Variants in LGR5 observed in about 807,000 individuals in gnomAD.
The protein encoded by LGR5 is leucine-rich repeat-containing G protein-coupled receptor 5.
In LGR5, 54 loss-of-function variants were observed where a neutral mutation model predicts 76.7. The observed-to-expected ratio is 0.70, with a 90% CI of 0.57 to 0.88. LGR5 has a LOEUF of 0.88. LGR5 is among the 40% of genes least tolerant of loss of function. LGR5 has a pLI of 0.00. For synonymous variants in LGR5, 406 were observed against 421.9 expected (o/e 0.96, Z 0.46); for missense variants, 1,078 against 1,073.3 (o/e 1.00, Z -0.06).
chr12:71,473,906 T>C (rs1356662230), intron 1 of LGR5, among the ~76,000 whole-genome samples: 2 of 152,126 alleles, frequency 1.3e-5, no homozygotes, highest in Admixed American at 6.6e-5. Context: ...ACACCTCGCT[T>C]TCCCAGAGGT....
At chr12:71,531,761 A>G (rs1029538300) in intron 3 of LGR5, among the ~76,000 whole-genome samples, 7 of 152,110 alleles carry the variant, frequency 4.6e-5, no homozygotes, top group Non-Finnish European at 1.0e-4. Context: ...CCAGCTACTC[A>G]GGAGACTGAG....
intron 11 of LGR5, 90 bp from the exon 12 acceptor site, chr12:71,571,410 GCCTTTGGGAGATAT>G: frequency 1.3e-6 from 1 of 762,622 alleles, no homozygotes; most frequent in Non-Finnish European, 2.2e-6. Context: ...TTCAGAGTCT[GCCTTTGGGAGATAT>G]AACATCTTGG....
chr12:71,497,357 AAAGG>A (rs1335757037), intron 1 of LGR5, among the ~76,000 whole-genome samples: 3 of 136,372 alleles, frequency 2.2e-5, no homozygotes, highest in East Asian at 2.0e-4. Context: ...AGGAAGGAAG[AAAGG>A]AAGGAAGGAA....
At chr12:71,514,498 G>A (rs922319271) in intron 2 of LGR5, among the ~76,000 whole-genome samples, 3 of 151,150 alleles carry the variant, frequency 2.0e-5, no homozygotes, top group African/African-American at 7.3e-5. Flanking sequence ...AACCCGGAAG[G>A]CGGAGCTTGC....
intron 4 of LGR5, among the ~76,000 whole-genome samples, chr12:71,545,113 G>A (rs1877087311): frequency 2.1e-5 from 2 of 97,014 alleles, no homozygotes; most frequent in South Asian, 8.9e-4. Context: ...CTCTACAAAA[G>A]TAACAAAATA....
At chr12:71,450,807 C>A (rs755241194) in intron 1 of LGR5, among the ~76,000 whole-genome samples, 1 of 152,066 alleles carries the variant, frequency 6.6e-6, no homozygotes, top group Non-Finnish European at 1.5e-5. Context: ...ACGTAGACCT[C>A]GAACACATAC....
chr12:71,462,194 T>C (rs532635066), intron 1 of LGR5, among the ~76,000 whole-genome samples: 1 of 152,074 alleles, frequency 6.6e-6, no homozygotes, highest in South Asian at 2.1e-4. Context: ...TCCATAGTCC[T>C]GCATGCAAGA....
intron 4 of LGR5, among the ~76,000 whole-genome samples, chr12:71,548,172 C>T (rs566062359): frequency 1.3e-5 from 2 of 152,232 alleles, no homozygotes; most frequent in South Asian, 4.1e-4. Context: ...TCAATGGATG[C>T]GTAAATGGCC....
intron 1 of LGR5, among the ~76,000 whole-genome samples, chr12:71,454,076 T>A (rs116153990): frequency 3.9e-4 from 59 of 152,194 alleles, no homozygotes; most frequent in African/African-American, 1.3e-3. Context: ...GGTGAGCAGT[T>A]CTTGGAGCAG....
intron 1 of LGR5, among the ~76,000 whole-genome samples, chr12:71,498,226 G>T (rs1430639342): frequency 6.6e-6 from 1 of 152,176 alleles, no homozygotes; most frequent in Non-Finnish European, 1.5e-5. Flanking sequence ...ACTGTGAAAG[G>T]TGAGCAAAAC....
chr12:71,457,327 T>C (rs2137220665), intron 1 of LGR5, among the ~76,000 whole-genome samples: 1 of 152,280 alleles, frequency 6.6e-6, no homozygotes, highest in Non-Finnish European at 1.5e-5. Context: ...AGTATGGAGA[T>C]TTTACTGTTG....
At chr12:71,528,921 G>A (rs184437815) in intron 3 of LGR5, among the ~76,000 whole-genome samples, 7 of 152,246 alleles carry the variant, frequency 4.6e-5, no homozygotes, top group African/African-American at 1.7e-4. Flanking sequence ...GCTTCAGAAT[G>A]TTATGGAATT....
At chr12:71,481,962 C>A (rs1873627206) in intron 1 of LGR5, among the ~76,000 whole-genome samples, 1 of 152,054 alleles carries the variant, frequency 6.6e-6, no homozygotes, top group Admixed American at 6.6e-5. Context: ...ATCACTTTAG[C>A]CTTTTGGTCT....
chr12:71,556,701 C>T lies in LGR5; in HGVS notation c.716+11C>T. Reference sequence around the variant, plus strand: ...CAGCCTAGAGACTTTGTGAGTTGACCTTTTATTTGTTTCCCTTTTTTCAGT... The same window carrying T: ...CAGCCTAGAGACTTTGTGAGTTGACTTTTTATTTGTTTCCCTTTTTTCAGT... On this transcript the variant is annotated intron_variant, in intron 6 of 17. Coordinates refer to ENST00000266674, the MANE Select transcript of LGR5 (RefSeq NM_003667.4). 6.3e-7 allele frequency: 1 copy of T among 1,590,156 alleles called. No individual in the cohort carries two copies. The highest frequency in any genetic ancestry group is 8.6e-7 in the Non-Finnish European group (1 of 1,158,404).
chr12:71,518,512 G>C (rs1169435282), intron 2 of LGR5, among the ~76,000 whole-genome samples: 1 of 152,104 alleles, frequency 6.6e-6, no homozygotes, highest in Non-Finnish European at 1.5e-5. Flanking sequence ...ATACCCAAAG[G>C]AATATAAATC....
chr12:71,481,883 C>T (rs1873623023), intron 1 of LGR5, among the ~76,000 whole-genome samples: 1 of 152,008 alleles, frequency 6.6e-6, no homozygotes, highest in South Asian at 2.1e-4. Flanking sequence ...AGCCACAGCT[C>T]AGAATTATTT....
At chr12:71,470,318 T>A (rs1873043885) in intron 1 of LGR5, among the ~76,000 whole-genome samples, 1 of 152,208 alleles carries the variant, frequency 6.6e-6, no homozygotes, top group African/African-American at 2.4e-5. Context: ...CAGGCTCAGT[T>A]TGACTTGGCA....
intron 1 of LGR5, among the ~76,000 whole-genome samples, chr12:71,471,541 T>C (rs1031991458): frequency 1.3e-5 from 2 of 152,180 alleles, no homozygotes; most frequent in Non-Finnish European, 2.9e-5. Context: ...TAGATTTTGG[T>C]AATGGTTGGA....
At chr12:71,489,411 C>T (rs914513344) in intron 1 of LGR5, among the ~76,000 whole-genome samples, 2 of 152,208 alleles carry the variant, frequency 1.3e-5, no homozygotes, top group East Asian at 3.9e-4. Context: ...TTTTAGACAA[C>T]ATTTTTGTTG....
Sources: gnomAD v4.1 joint callset for allele counts (sites outside exome capture counted in the v4.1 genomes callset) on GRCh38, gnomAD v4.1.1 for gene constraint, MANE v1.5 for transcripts, NCBI Gene and HGNC (gene_info 2026-07-23, HGNC 2026-07-21) for gene names.